BABAM2: variants seen among roughly 807,000 people sequenced by gnomAD.
BABAM2 encodes the protein BRISC and BRCA1 A complex member 2, also known as BRISC and BRCA1-A complex member 2.
In BABAM2, 31 loss-of-function variants were observed where a neutral mutation model predicts 54.7. The ratio of observed to expected loss-of-function variants is 0.57; its 90% CI spans 0.43 to 0.77. The LOEUF (loss-of-function observed/expected upper bound fraction) is 0.77, where lower values mean the gene tolerates loss of function less well. Ranked by LOEUF, BABAM2 falls within the 30% of genes least tolerant of loss-of-function variation. The probability of loss-of-function intolerance (pLI) is 0.00; values close to 1 mark genes in which losing one functional copy is unlikely to be tolerated. For missense variants in BABAM2, 364 were observed against 455.8 expected (o/e 0.80, Z 1.83); for synonymous variants, 167 against 162.9 (o/e 1.03, Z -0.19).
intron 7 of BABAM2, among the ~76,000 whole-genome samples, chr2:28,227,374 G>A (rs569299751): frequency 6.6e-6 from 1 of 152,124 alleles, no homozygotes; most frequent in Admixed American, 6.5e-5. Context: ...GGTGCAGGAC[G>A]CATGGTCTGC....
intron 4 of BABAM2, among the ~76,000 whole-genome samples, chr2:28,005,873 CATATT>C (rs1673924457): frequency 1.3e-5 from 2 of 152,218 alleles, no homozygotes; most frequent in South Asian, 4.1e-4. Flanking sequence ...GCAAACCCCA[CATATT>C]ATGACACTTC....
chr2:28,059,014 C>T (rs1678656696), intron 6 of BABAM2, among the ~76,000 whole-genome samples: 1 of 152,144 alleles, frequency 6.6e-6, no homozygotes, highest in Non-Finnish European at 1.5e-5. Flanking sequence ...TGAGATACAG[C>T]AGTCTGAGGT....
At chr2:27,971,415 T>C (rs1671211769) in intron 3 of BABAM2, among the ~76,000 whole-genome samples, 1 of 152,186 alleles carries the variant, frequency 6.6e-6, no homozygotes, top group Non-Finnish European at 1.5e-5. Flanking sequence ...TGTTCAAGTA[T>C]AGAATAATTC....
At chr2:28,315,420 TTTTTTC>T (rs1188330468) in intron 11 of BABAM2, among the ~76,000 whole-genome samples, 4,093 of 141,948 alleles carry the variant, frequency 0.029, 105 homozygotes, top group South Asian at 0.07. Context: ...TGTGTGGTTC[TTTTTTC>T]TTTTCTTTTC....
intron 7 of BABAM2, among the ~76,000 whole-genome samples, chr2:28,163,196 G>A (rs553824118): frequency 1.3e-5 from 2 of 152,274 alleles, no homozygotes; most frequent in Admixed American, 6.5e-5. Context: ...CCAGCCGGCA[G>A]CCACCCTGCT....
intron 4 of BABAM2, among the ~76,000 whole-genome samples, chr2:27,993,038 TATC>T (rs1215231050): frequency 6.6e-6 from 1 of 152,234 alleles, no homozygotes; most frequent in Non-Finnish European, 1.5e-5. Context: ...TCAAAGCACT[TATC>T]ATCATTTGAT....
chr2:27,985,266 G>T (rs905764568), intron 3 of BABAM2, among the ~76,000 whole-genome samples: 1 of 152,026 alleles, frequency 6.6e-6, no homozygotes, highest in Admixed American at 6.6e-5. Context: ...TGGATCAAAT[G>T]GTATTTCTAC....
At position 28,338,647 on chromosome 2, in the gene BABAM2, C is replaced by T; in HGVS notation, c.*134C>T. On this transcript the variant is annotated 3_prime_UTR_variant, in exon 12 of 12. Transcript: ENST00000379624. ...GCTCACACAGCAGCTTTTGCACGCC[C>T]CAGGCAGCCCCGACTGCTGAAATCC... The T allele has an allele frequency of 2.0e-6, 2 of 1,021,672 alleles. No homozygotes were observed. The highest frequency in any genetic ancestry group is 3.0e-6 in the Non-Finnish European group (2 of 674,112). 63.3% of individuals were successfully genotyped at this position (1,021,672 alleles called of 1,614,324 possible).
intron 2 of BABAM2, among the ~76,000 whole-genome samples, chr2:27,911,650 A>G (rs1666608268): frequency 6.6e-6 from 1 of 152,056 alleles, no homozygotes; most frequent in South Asian, 2.1e-4. Context: ...TGAAATGCAA[A>G]TCTCTCTTCA....
chr2:28,066,130 G>A (rs531930782), intron 6 of BABAM2, among the ~76,000 whole-genome samples: 33 of 150,322 alleles, frequency 2.2e-4, no homozygotes, highest in Admixed American at 1.1e-3. Context: ...CTGCACTCCA[G>A]CCTAGGCGAC....
chr2:27,914,168 T>C (rs1166693341), intron 2 of BABAM2, among the ~76,000 whole-genome samples: 1 of 152,210 alleles, frequency 6.6e-6, no homozygotes, highest in East Asian at 1.9e-4. Flanking sequence ...CTAATGCTTC[T>C]CTGCCAAGTG....
intron 10 of BABAM2, among the ~76,000 whole-genome samples, chr2:28,296,259 C>A (rs527940365): frequency 1.3e-5 from 2 of 152,292 alleles, no homozygotes; most frequent in Admixed American, 1.3e-4. Flanking sequence ...GACTCAAAAG[C>A]GATTTCTGAA....
At chr2:28,040,294 C>CTTGTTTTTTTTTTTTTT (rs1676969917) in intron 5 of BABAM2, among the ~76,000 whole-genome samples, 1 of 59,470 alleles carries the variant, frequency 1.7e-5, no homozygotes. Flanking sequence ...AAACTGAATT[C>CTTGTTTTTTTTTTTTTT]TTTTTTTTTT....
intron 11 of BABAM2, among the ~76,000 whole-genome samples, chr2:28,300,877 C>A (rs564580812): frequency 6.6e-6 from 1 of 152,142 alleles, no homozygotes; most frequent in Non-Finnish European, 1.5e-5. Context: ...AAGATGGATC[C>A]ATTTTAAATG....
chr2:28,327,593 T>C, intron 11 of BABAM2: 1 of 955,638 alleles, frequency 1.0e-6, no homozygotes, highest in Non-Finnish European at 1.5e-6. Flanking sequence ...GAGACCACAG[T>C]CAGCCTTCTC....
intron 6 of BABAM2, among the ~76,000 whole-genome samples, chr2:28,121,633 G>GAGCACCCTTTTAAACTTTC: frequency 6.6e-6 from 1 of 152,164 alleles, no homozygotes; most frequent in Middle Eastern, 3.4e-3. Context: ...AGCCAACTTT[G>GAGCACCCTTTTAAACTTTC]AGCACCCTTT....
At chr2:28,160,338 G>C (rs980526104) in intron 7 of BABAM2, among the ~76,000 whole-genome samples, 23 of 152,280 alleles carry the variant, frequency 1.5e-4, no homozygotes, top group Middle Eastern at 6.8e-3. Context: ...CTTAGTGTAT[G>C]GTTATGTGAT....
At chr2:28,062,950 G>T (rs1243980121) in intron 6 of BABAM2, among the ~76,000 whole-genome samples, 2 of 152,216 alleles carry the variant, frequency 1.3e-5, no homozygotes, top group Non-Finnish European at 2.9e-5. Context: ...TGGCACAGTG[G>T]ATGTATGTTG....
At chr2:28,165,725 G>C (rs1673602470) in intron 7 of BABAM2, among the ~76,000 whole-genome samples, 2 of 151,756 alleles carry the variant, frequency 1.3e-5, no homozygotes, top group East Asian at 3.9e-4. Context: ...AGTAGAGATG[G>C]GGTTTCACCA....
Sources: gnomAD v4.1 joint callset for allele counts (sites outside exome capture counted in the v4.1 genomes callset) on GRCh38, gnomAD v4.1.1 for gene constraint, MANE v1.5 for transcripts, NCBI Gene and HGNC (gene_info 2026-07-23, HGNC 2026-07-21) for gene names.